Variants in PDLIM5 observed in about 807,000 individuals in gnomAD.
PDLIM5 encodes PDZ and LIM domain 5.
PDLIM5 carries 34 observed loss-of-function variants against 64.2 expected under a neutral mutation model. The ratio of observed to expected loss-of-function variants is 0.53; its 90% CI spans 0.40 to 0.71. The LOEUF is 0.71. PDLIM5 is among the 30% of genes least tolerant of loss of function. PDLIM5 has a pLI of 0.00. For synonymous variants in PDLIM5, 253 were observed against 269.1 expected (o/e 0.94, Z 0.59); for missense variants, 683 against 733.6 (o/e 0.93, Z 0.80).
At chr4:94,514,270 G>T (rs1211409949) in intron 2 of PDLIM5, among the ~76,000 whole-genome samples, 2 of 151,842 alleles carry the variant, frequency 1.3e-5, no homozygotes, top group African/African-American at 4.8e-5. Context: ...AAGTAGCTGG[G>T]ACTACAGGTG....
intron 2 of PDLIM5, chr4:94,455,647 A>G: frequency 1.3e-6 from 1 of 750,976 alleles, no homozygotes; most frequent in South Asian, 1.8e-5. Context: ...CAGACTGTAC[A>G]TTTTTGAACT....
intron 3 of PDLIM5, among the ~76,000 whole-genome samples, chr4:94,524,554 T>C (rs1299306826): frequency 6.6e-6 from 1 of 151,936 alleles, no homozygotes; most frequent in Non-Finnish European, 1.5e-5. Context: ...TCTCTTTTTT[T>C]TTTTCTGAGT....
At chr4:94,577,342 G>A in intron 5 of PDLIM5, 1 of 456,454 alleles carries the variant, frequency 2.2e-6, no homozygotes, top group African/African-American at 2.0e-5. Context: ...CAACTTTGGG[G>A]CTTTGAAAGA....
chr4:94,584,796 G>A (rs1402954178), intron 5 of PDLIM5: 20 of 518,588 alleles, frequency 3.9e-5, no homozygotes, highest in Non-Finnish European at 4.5e-5. Flanking sequence ...ATTAATGGCC[G>A]TTGTGAATAT....
At chr4:94,582,919 A>G (rs1259727987) in intron 5 of PDLIM5, 1 of 547,014 alleles carries the variant, frequency 1.8e-6, no homozygotes, top group Non-Finnish European at 3.2e-6. Flanking sequence ...TATGTTTAGA[A>G]CACCCACACT....
At chr4:94,485,251 T>C (rs1726208686) in intron 2 of PDLIM5, among the ~76,000 whole-genome samples, 1 of 152,256 alleles carries the variant, frequency 6.6e-6, no homozygotes, top group African/African-American at 2.4e-5. Context: ...TGTTTGGCTC[T>C]TGCCAAATTC....
At chr4:94,617,168 A>G (rs1738847207) in intron 7 of PDLIM5, among the ~76,000 whole-genome samples, 1 of 152,202 alleles carries the variant, frequency 6.6e-6, no homozygotes, top group Non-Finnish European at 1.5e-5. Context: ...ACCAAAGCAT[A>G]TATTTTATAA....
At chr4:94,527,430 C>T (rs1009422843) in intron 3 of PDLIM5, among the ~76,000 whole-genome samples, 1 of 152,140 alleles carries the variant, frequency 6.6e-6, no homozygotes, top group Middle Eastern at 3.2e-3. Context: ...CTGAATTCTT[C>T]CAAACTAAGT....
intron 2 of PDLIM5, among the ~76,000 whole-genome samples, chr4:94,502,920 A>G (rs997475619): frequency 1.3e-5 from 2 of 152,126 alleles, no homozygotes; most frequent in Admixed American, 6.6e-5. Context: ...ACATCTAACT[A>G]TCCAGGAAGC....
intron 2 of PDLIM5, among the ~76,000 whole-genome samples, chr4:94,459,483 C>T (rs192592793): frequency 5.5e-4 from 84 of 152,196 alleles, no homozygotes; most frequent in Non-Finnish European, 1.0e-3. Context: ...ATTATGGAGC[C>T]CTGTTTGGGA....
intron 11 of PDLIM5, 91 bp downstream of exon 11, chr4:94,657,638 C>G: frequency 1.1e-6 from 1 of 887,744 alleles, no homozygotes; most frequent in East Asian, 2.5e-5. Flanking sequence ...AAATATTAGG[C>G]AAAGTTATTT....
intron 5 of PDLIM5, chr4:94,577,438 G>A (rs904973625): frequency 2.0e-5 from 9 of 447,922 alleles, no homozygotes; most frequent in Admixed American, 9.8e-5. Context: ...ATACGGTCTT[G>A]AGGTTGTGGG....
chr4:94,563,937 C>CTTTT (rs1295763694), intron 3 of PDLIM5, among the ~76,000 whole-genome samples: 3 of 97,280 alleles, frequency 3.1e-5, no homozygotes, highest in Non-Finnish European at 6.8e-5. Context: ...AGCAATTTTT[C>CTTTT]TTTTTTTTTT....
intron 2 of PDLIM5, among the ~76,000 whole-genome samples, chr4:94,520,266 C>G (rs1560673362): frequency 6.6e-6 from 1 of 152,142 alleles, no homozygotes; most frequent in African/African-American, 2.4e-5. Flanking sequence ...AAAAAGGAAG[C>G]ATTTGCTTGT....
intron 2 of PDLIM5, among the ~76,000 whole-genome samples, chr4:94,461,534 T>C (rs1016315305): frequency 3.9e-5 from 6 of 152,072 alleles, no homozygotes; most frequent in Non-Finnish European, 7.4e-5. Context: ...GTTTTTTTTT[T>C]AAAGGTAATA....
At chr4:94,490,655 G>A (rs1336784264) in intron 2 of PDLIM5, among the ~76,000 whole-genome samples, 4 of 152,188 alleles carry the variant, frequency 2.6e-5, no homozygotes, top group East Asian at 1.9e-4. Context: ...TGATAATTGT[G>A]TAAATGTTAA....
intron 3 of PDLIM5, among the ~76,000 whole-genome samples, chr4:94,545,226 T>C (rs1732203374): frequency 6.6e-6 from 1 of 152,256 alleles, no homozygotes; most frequent in South Asian, 2.1e-4. Context: ...TTTATAACTC[T>C]AATGTAGCAA....
At position 94,664,288 on chromosome 4, in the gene PDLIM5, C is replaced by A; in HGVS notation, c.*221C>A. The A allele has an allele frequency of 1.1e-6, 1 of 888,390 alleles. No individual in the cohort carries two copies. Among genetic ancestry groups the A allele is most frequent in the African/African-American group, 1.8e-5 (1 of 56,608 alleles). 55.0% of individuals were successfully genotyped at this position (888,390 alleles called of 1,614,324 possible). A position where few individuals can be genotyped will look rare whatever the true frequency, so the allele number is the denominator to read the frequency against. ...TTATTACTTTTTCCTGTATTTTATGCCCATAAAATAAGCTTTATAAAAACC... is the reference window on the plus strand; with the variant it reads ...TTATTACTTTTTCCTGTATTTTATGACCATAAAATAAGCTTTATAAAAACC... On this transcript the variant is annotated 3_prime_UTR_variant, in exon 13 of 13. Coordinates refer to ENST00000317968, the MANE Select transcript of PDLIM5 (RefSeq NM_006457.5).
chr4:94,546,124 G>T (rs549507430), intron 3 of PDLIM5, among the ~76,000 whole-genome samples: 5 of 152,244 alleles, frequency 3.3e-5, no homozygotes, highest in African/African-American at 1.2e-4. Flanking sequence ...TATAAAATTT[G>T]TTTTGACCAT....
Sources: gnomAD v4.1 joint callset for allele counts (sites outside exome capture counted in the v4.1 genomes callset) on GRCh38, gnomAD v4.1.1 for gene constraint, MANE v1.5 for transcripts, NCBI Gene and HGNC (gene_info 2026-07-23, HGNC 2026-07-21) for gene names.